CELF2: variants seen among roughly 807,000 people sequenced by gnomAD.
The protein encoded by CELF2 is CUG triplet repeat RNA-binding protein 2.
A neutral mutation model predicts 62.6 loss-of-function variants in CELF2; 8 were observed. That is an observed-to-expected ratio of 0.13 (90% CI 0.07 to 0.23). CELF2 has a LOEUF of 0.23. CELF2 is among the 10% of genes least tolerant of loss of function. The probability of loss-of-function intolerance (pLI) is 1.00; values close to 1 mark genes in which losing one functional copy is unlikely to be tolerated. For missense variants in CELF2, 333 were observed against 671.0 expected (o/e 0.50, Z 5.56); for synonymous variants, 258 against 250.0 (o/e 1.03, Z -0.30).
chr10:11,057,439 T>C (rs1299213199), intron 1 of CELF2, among the ~76,000 whole-genome samples: 2 of 152,160 alleles, frequency 1.3e-5, no homozygotes, highest in Non-Finnish European at 2.9e-5. Context: ...AATATTAATC[T>C]ATAGAGAAAA....
intron 1 of CELF2, among the ~76,000 whole-genome samples, chr10:11,113,770 C>T (rs2055855306): frequency 6.6e-6 from 1 of 152,098 alleles, no homozygotes; most frequent in Non-Finnish European, 1.5e-5. Flanking sequence ...GAGCTGGGGT[C>T]CTGCCTAGTC....
At chr10:10,592,117 C>T in the CELF2 span, among the ~76,000 whole-genome samples, 3 of 152,040 alleles carry the variant, frequency 2.0e-5, no homozygotes, top group Admixed American at 6.5e-5. Flanking sequence ...TTATAACTAG[C>T]GTACAACCTT....
At chr10:10,868,836 A>G (rs2060546150) in intron 1 of CELF2, among the ~76,000 whole-genome samples, 1 of 152,246 alleles carries the variant, frequency 6.6e-6, no homozygotes. Flanking sequence ...AACATGGTAG[A>G]AAAAGGGAAG....
At chr10:10,845,127 T>C (rs1041180109) in intron 1 of CELF2, among the ~76,000 whole-genome samples, 2 of 152,148 alleles carry the variant, frequency 1.3e-5, no homozygotes, top group Non-Finnish European at 2.9e-5. Context: ...TAATGATGAA[T>C]GGTTTTTGCC....
intron 1 of CELF2, among the ~76,000 whole-genome samples, chr10:10,825,006 G>A (rs931967381): frequency 3.3e-5 from 5 of 152,030 alleles, no homozygotes; most frequent in Admixed American, 6.6e-5. Flanking sequence ...TTTAATAAGC[G>A]TTTGTAATTA....
upstream of CELF2, among the ~76,000 whole-genome samples, chr10:11,004,585 A>C (rs1423848129): frequency 6.6e-6 from 1 of 152,152 alleles, no homozygotes; most frequent in African/African-American, 2.4e-5. The surrounding 1 kb of genome is among the most constrained non-coding windows in gnomAD (Gnocchi z 5.0). Context: ...AGAGCAACTC[A>C]TTGGTCTTTT....
At position 11,246,859 on chromosome 10, in the gene CELF2, A is replaced by T. The variant is rs1008193907; in HGVS notation, c.355-2294A>T. Among the ~76,000 whole-genome samples, 3 of 152,144 alleles carry T rather than the reference A, an allele frequency of 2.0e-5. No individual in the cohort carries two copies. The East Asian group carries it at 5.8e-4, about 29-fold the overall frequency. ...GGCCCGTCTCTCGAGCCTGAGCCCCATGATTACAACTTCTGTCTGTACCCC... is the reference window on the plus strand; with the variant it reads ...GGCCCGTCTCTCGAGCCTGAGCCCCTTGATTACAACTTCTGTCTGTACCCC... On this transcript the variant is annotated intron_variant, in intron 3 of 12. Coordinates refer to ENST00000633077, the MANE Select transcript of CELF2 (RefSeq NM_001326342.2). The surrounding 1 kb of genome is among the most constrained non-coding windows in gnomAD (Gnocchi z 4.6).
Position 11,191,191 on chromosome 10 carries a change from A to G in CELF2, c.271+25509A>G, listed in dbSNP as rs748928730. ...TCAGTGCCTGTAACAATGGACACTC[A>G]TGTTCATCTAGTTCTGTCCCTTTTC... On this transcript the variant is annotated intron_variant, in intron 2 of 12. Coordinates refer to ENST00000633077, the MANE Select transcript of CELF2 (RefSeq NM_001326342.2). This position sits in a 1 kb window ranked among gnomAD's most constrained non-coding sequence, Gnocchi z 4.1. Among the ~76,000 whole-genome samples the G allele has an allele frequency of 3.9e-5, 6 of 152,170 alleles. No individual in the cohort carries two copies. Among genetic ancestry groups the G allele is most frequent in the Non-Finnish European group, 5.9e-5 (4 of 68,044 alleles).
chr10:10,968,145 C>T (rs915255236), intron 2 of CELF2, among the ~76,000 whole-genome samples: 1 of 152,086 alleles, frequency 6.6e-6, no homozygotes, highest in African/African-American at 2.4e-5. Flanking sequence ...ACAGGGTTGG[C>T]CACCAGAGTT....
intron 10 of CELF2, among the ~76,000 whole-genome samples, chr10:11,320,066 T>G (rs2095341055): frequency 6.6e-6 from 1 of 152,234 alleles, no homozygotes; most frequent in Non-Finnish European, 1.5e-5. Context: ...ATTAATGTTT[T>G]CAATAAGCTC....
intron 2 of CELF2, among the ~76,000 whole-genome samples, chr10:10,943,066 C>G (rs553209290): frequency 1.3e-5 from 2 of 152,314 alleles, no homozygotes; most frequent in South Asian, 4.2e-4. Flanking sequence ...TGAAATGCAC[C>G]TGCTGCCTGT....
At chr10:10,557,666 G>A in the CELF2 span, among the ~76,000 whole-genome samples, 1 of 151,838 alleles carries the variant, frequency 6.6e-6, no homozygotes, top group Non-Finnish European at 1.5e-5. Context: ...CTGCCCATGA[G>A]CATGGAATGT....
the CELF2 span, among the ~76,000 whole-genome samples, chr10:10,721,296 T>C: frequency 1.4e-4 from 21 of 152,254 alleles, no homozygotes; most frequent in Admixed American, 1.4e-3. Flanking sequence ...GTTTGAAATA[T>C]TAATCATTTG....
chr10:11,311,998 G>A lies in CELF2; in HGVS notation c.977-2141G>A, dbSNP rs1034233269. 2.6e-5 allele frequency among the ~76,000 whole-genome samples: 4 copies of A among 152,186 alleles called. No homozygotes were observed. Among genetic ancestry groups the A allele is most frequent in the African/African-American group, 9.7e-5 (4 of 41,442 alleles). On this transcript the variant is annotated intron_variant, in intron 9 of 12. Transcript: ENST00000633077. The surrounding 1 kb of genome is among the most constrained non-coding windows in gnomAD (Gnocchi z 4.7). ...AATAAAAATCAATCTAAACTTGGAAGCACCATAGTGATAAATGCAGAACAC... is the reference window on the plus strand; with the variant it reads ...AATAAAAATCAATCTAAACTTGGAAACACCATAGTGATAAATGCAGAACAC...
At chr10:10,752,919 A>G in the CELF2 span, among the ~76,000 whole-genome samples, 4 of 151,966 alleles carry the variant, frequency 2.6e-5, no homozygotes, top group Admixed American at 6.6e-5. Flanking sequence ...TCAAATATTC[A>G]CAAACCAATA....
intron 5 of CELF2, among the ~76,000 whole-genome samples, chr10:11,262,940 C>CTTTTTTATTTTTTTTTTTTTTTT: frequency 1.9e-5 from 1 of 52,766 alleles, no homozygotes; most frequent in Non-Finnish European, 3.3e-5. Context: ...AGTGGCTTTA[C>CTTTTTTATTTTTTTTTTTTTTTT]TTTTTTTTTT....
At chr10:10,697,758 C>T in the CELF2 span, among the ~76,000 whole-genome samples, 20 of 152,252 alleles carry the variant, frequency 1.3e-4, 1 homozygote, top group African/African-American at 4.8e-4. Context: ...GGCCGCACCC[C>T]CCCAATACCA....
chr10:10,533,836 G>A, the CELF2 span, among the ~76,000 whole-genome samples: 6 of 152,198 alleles, frequency 3.9e-5, no homozygotes, highest in Admixed American at 1.3e-4. Flanking sequence ...GAGTCCAGGA[G>A]AGAGCTGAGG....
chr10:11,218,351 G>A (rs1473646718), intron 3 of CELF2, among the ~76,000 whole-genome samples: 1 of 152,146 alleles, frequency 6.6e-6, no homozygotes, highest in African/African-American at 2.4e-5. Flanking sequence ...ATAAGGTAAT[G>A]TCCCTAATGT....
Sources: gnomAD v4.1 joint callset for allele counts (sites outside exome capture counted in the v4.1 genomes callset) on GRCh38, gnomAD v4.1.1 for gene constraint, Gnocchi (gnomAD v3.1) non-coding constraint, MANE v1.5 for transcripts, NCBI Gene and HGNC (gene_info 2026-07-23, HGNC 2026-07-21) for gene names.